Variants in CANT1 observed in about 807,000 individuals in gnomAD.
CANT1 encodes calcium activated nucleotidase 1, also known as soluble calcium-activated nucleotidase 1.
A neutral mutation model predicts 30.0 loss-of-function variants in CANT1; 26 were observed. The ratio of observed to expected loss-of-function variants is 0.87; its 90% confidence interval spans 0.64 to 1.20. The LOEUF (loss-of-function observed/expected upper bound fraction) is 1.20. Among genes scored for constraint, CANT1 ranks in the 50% most tolerant of loss-of-function variants. The pLI is 0.00. For missense variants in CANT1, 518 were observed against 563.0 expected, an observed-to-expected ratio of 0.92 and a Z score of 0.81; for synonymous variants, 246 against 251.8, an observed-to-expected ratio of 0.98 and a Z score of 0.22.
chr17:78,993,393 C>T lies in CANT1; in HGVS notation c.*157G>A, dbSNP rs117904862. The stretch of plus-strand genomic sequence containing the variant: ...GCGGCCTCCGTGGGGCCCGGGGGTC[C>T]AGTGCCCGCACCACTATGGGGCCCG... On this transcript the variant is annotated 3_prime_UTR_variant, in exon 5 of 5. Transcript: ENST00000392446. The surrounding 1 kb of genome is among the most constrained non-coding windows in gnomAD (Gnocchi z 4.5). 1,547 of 1,068,774 alleles carry T rather than the reference C, an allele frequency of 1.4e-3. 2 individuals carry two copies. Among genetic ancestry groups the T allele is most frequent in the Non-Finnish European group, 2.0e-3 (1,433 of 730,992 alleles). 66.2% of individuals were successfully genotyped at this position (1,068,774 alleles called of 1,614,324 possible).
Position 78,998,854 on chromosome 17 carries a change from G to A in CANT1, c.-146-891C>T, listed in dbSNP as rs2071136711. On this transcript the variant is annotated intron_variant, in intron 1 of 4. Transcript: ENST00000392446. This position sits in a 1 kb window ranked among gnomAD's most constrained non-coding sequence, Gnocchi z 4.5. ...CCGGCCTGAGAAGCTTCCCTGGCTGGGTCCTCCTTGAGAAAACAACAAAGC... is the reference window on the plus strand; with the variant it reads ...CCGGCCTGAGAAGCTTCCCTGGCTGAGTCCTCCTTGAGAAAACAACAAAGC... 6.6e-6 allele frequency among the ~76,000 whole-genome samples: 1 copy of A among 152,214 alleles called. No homozygotes were observed. Among genetic ancestry groups the A allele is most frequent in the Non-Finnish European group, 1.5e-5 (1 of 68,040 alleles).
intron 1 of CANT1, among the ~76,000 whole-genome samples, chr17:79,009,179 T>G: frequency 7.3e-6 from 1 of 137,602 alleles, no homozygotes; most frequent in Non-Finnish European, 1.5e-5. Flanking sequence ...AGGGGGGTGG[T>G]CCCCACACTA....
At position 78,995,369 on chromosome 17, in the gene CANT1, C is replaced by CT. The variant is rs2071001914; in HGVS notation, c.632-149dup. 1.2e-6 allele frequency: 1 copy of CT among 853,964 alleles called. No homozygotes were observed. Among genetic ancestry groups the CT allele is most frequent in the Non-Finnish European group, 1.9e-6 (1 of 537,920 alleles). The allele number at this position is 853,964 out of a possible 1,614,324, so 52.9% of individuals were successfully genotyped here. On this transcript the variant is annotated intron_variant, in intron 3 of 4. Transcript: ENST00000392446. The surrounding 1 kb of genome is among the most constrained non-coding windows in gnomAD (Gnocchi z 5.7). ...TGCCTCCCCTCCGGCCCGCACCTGGCTCCCGCCCAGGGCCGGCCGGCTGCC... is the reference window on the plus strand; with the variant it reads ...TGCCTCCCCTCCGGCCCGCACCTGGCTTCCCGCCCAGGGCCGGCCGGCTGCC...
At position 78,998,665 on chromosome 17, in the gene CANT1, A is replaced by C. The variant is rs565080548; in HGVS notation, c.-146-702T>G. Among the ~76,000 whole-genome samples, 204 of 152,340 alleles carry C rather than the reference A, an allele frequency of 1.3e-3. 1 individual carries two copies. The highest frequency in any genetic ancestry group is 4.6e-3 in the African/African-American group (193 of 41,588). On this transcript the variant is annotated intron_variant, in intron 1 of 4. Coordinates refer to ENST00000392446, the MANE Select transcript of CANT1 (RefSeq NM_001159773.2). This position sits in a 1 kb window ranked among gnomAD's most constrained non-coding sequence, Gnocchi z 4.5. ...TGATGGCTCAGTGCAGCCATGGGGCACCAGGCCCACGTCTGCGCCGCCTTG... is the reference window on the plus strand; with the variant it reads ...TGATGGCTCAGTGCAGCCATGGGGCCCCAGGCCCACGTCTGCGCCGCCTTG...
rs1342877512 is a variant in CANT1 at position 78,997,219 on chromosome 17, G to A, written c.404C>T (p.Thr135Ile). 6.2e-7 allele frequency: 1 copy of A among 1,614,200 alleles called. No individual in the cohort carries two copies. ...WFSYLKKGYL[T>I]LSDSGDKVAV... Reference sequence around the variant, plus strand: ...CACCTTGTCCCCACTGTCTGACAGGGTCAGGTAGCCCTTTTTCAGGTAACT... The same window carrying A: ...CACCTTGTCCCCACTGTCTGACAGGATCAGGTAGCCCTTTTTCAGGTAACT... The change falls in exon 3 of 5, where the codon ACC (threonine) becomes ATC (isoleucine). Residue 135 changes from threonine (T) to isoleucine (I), a missense_variant. Around this residue, in one of 3 missense-constraint regions of CANT1, gnomAD observed 249 missense variants for 268.8 expected, o/e 0.93. Coordinates refer to ENST00000392446, the MANE Select transcript of CANT1 (RefSeq NM_001159773.2). The surrounding 1 kb of genome is among the most constrained non-coding windows in gnomAD (Gnocchi z 7.5).
Position 79,002,026 on chromosome 17 carries a change from C to T in CANT1, c.-146-4063G>A, listed in dbSNP as rs181645113. ...CTCGCTTCCCTTCTCCCCATCCACACAGCCTCGGCTCCAGTTCCATCTCAC... is the reference window on the plus strand; with the variant it reads ...CTCGCTTCCCTTCTCCCCATCCACATAGCCTCGGCTCCAGTTCCATCTCAC... On this transcript the variant is annotated intron_variant, in intron 1 of 4. Coordinates refer to ENST00000392446, the MANE Select transcript of CANT1 (RefSeq NM_001159773.2). This position sits in a 1 kb window ranked among gnomAD's most constrained non-coding sequence, Gnocchi z 4.0. Among the ~76,000 whole-genome samples the T allele has an allele frequency of 2.0e-5, 3 of 152,248 alleles. No homozygotes were observed. The East Asian group carries it at 5.8e-4, about 29-fold the overall frequency.
In CANT1 at chr17:78,996,306, A is replaced by C. The variant is rs1024763124; in HGVS notation, c.631+686T>G. ...AGGTGGGGATCCACCGCCAGCTCAG[A>C]CAAACGGAGCTCAGAGGAGCTGGCA... On this transcript the variant is annotated intron_variant, in intron 3 of 4. Coordinates refer to ENST00000392446, the MANE Select transcript of CANT1 (RefSeq NM_001159773.2). This position sits in a 1 kb window ranked among gnomAD's most constrained non-coding sequence, Gnocchi z 5.1. Among the ~76,000 whole-genome samples the C allele has an allele frequency of 4.6e-5, 7 of 152,116 alleles. No homozygotes were observed. Among genetic ancestry groups the C allele is most frequent in the African/African-American group, 1.7e-4 (7 of 41,426 alleles).
chr17:78,993,309 T>A lies in CANT1; in HGVS notation c.*241A>T. ...CCCAGCCAGTTAGGCAGGCCTTGAG[T>A]CAATGCCTGAAGTGACCGAAATCAC... On this transcript the variant is annotated 3_prime_UTR_variant, in exon 5 of 5. Transcript: ENST00000392446. The surrounding 1 kb of genome is among the most constrained non-coding windows in gnomAD (Gnocchi z 4.5). 1.8e-6 allele frequency: 1 copy of A among 562,050 alleles called. No homozygotes were observed. Among genetic ancestry groups the A allele is most frequent in the Non-Finnish European group, 3.2e-6 (1 of 315,126 alleles). The allele number at this position is 562,050 out of a possible 1,614,324, so 34.8% of individuals were successfully genotyped here. A position where few individuals can be genotyped will look rare whatever the true frequency, so the allele number is the denominator to read the frequency against.
Position 78,997,584 on chromosome 17 carries a change from C to A in CANT1, c.39G>T (p.Glu13Asp). Residue 13 changes from glutamate (E) to aspartate (D), a missense_variant, in exon 3 of 5, where the codon GAG becomes GAT. Glu to Asp is a conservative substitution (Grantham distance 45, BLOSUM62 2). Around this residue, in one of 3 missense-constraint regions of CANT1, gnomAD observed 249 missense variants for 268.8 expected, o/e 0.93. Transcript: ENST00000392446. This position sits in a 1 kb window ranked among gnomAD's most constrained non-coding sequence, Gnocchi z 7.5. ...VQLSEHPEWN[E>D]SMHSLRISVG... ...CACTGATCCGGAGGGAGTGCATAGA[C>A]TCATTCCATTCCGGGTGCTCAGACA... is the stretch of plus-strand genomic sequence containing the variant. 6.4e-7 allele frequency: 1 copy of A among 1,565,030 alleles called. No homozygotes were observed.
intron 4 of CANT1, 91 bp downstream of exon 4, chr17:78,994,927 A>C: frequency 7.3e-7 from 1 of 1,368,880 alleles, no homozygotes; most frequent in Non-Finnish European, 1.0e-6. Context: ...CTAAAATAAA[A>C]AACGGTTTTG....
At chr17:78,994,344 G>A (rs1280464494) in intron 4 of CANT1, among the ~76,000 whole-genome samples, 1 of 152,196 alleles carries the variant, frequency 6.6e-6, no homozygotes, top group African/African-American at 2.4e-5. Flanking sequence ...ACTTCCTCCT[G>A]AACCTCAGGC....
rs912905671 is a variant in CANT1 at position 78,997,709 on chromosome 17, G to A, written c.-22-65C>T. 1.5e-5 allele frequency: 21 copies of A among 1,395,120 alleles called. No individual in the cohort carries two copies. The highest frequency in any genetic ancestry group is 1.0e-4 in the African/African-American group (7 of 69,042). 86.4% of individuals were successfully genotyped at this position (1,395,120 alleles called of 1,614,324 possible). ...GCAAGCCCAGTCACATCTTAGTTCC[G>A]GAAGCTGCAGGCGCTGGAGGCTGAC... On this transcript the variant is annotated intron_variant, in intron 2 of 4. Transcript: ENST00000392446. The surrounding 1 kb of genome is among the most constrained non-coding windows in gnomAD (Gnocchi z 7.5).
rs1003876267 is a variant in CANT1, at chr17:78,996,599, C to G, written c.631+393G>C. On this transcript the variant is annotated intron_variant, in intron 3 of 4. Coordinates refer to ENST00000392446, the MANE Select transcript of CANT1 (RefSeq NM_001159773.2). This position sits in a 1 kb window ranked among gnomAD's most constrained non-coding sequence, Gnocchi z 5.1. ...AGTCTGGGTTTTGAGTGAGAACCAT[C>G]TGTCCCCATGGCTTTCAGGGCAAGG... Among the ~76,000 whole-genome samples, 63 of 152,304 alleles carry G rather than the reference C, an allele frequency of 4.1e-4. No homozygotes were observed. The highest frequency in any genetic ancestry group is 1.5e-3 in the African/African-American group (61 of 41,570).
At position 78,993,820 on chromosome 17, in the gene CANT1, G is replaced by C. The variant is rs372851650; in HGVS notation, c.936C>G (p.Asp312Glu). 1.2e-6 allele frequency: 2 copies of C among 1,606,522 alleles called. No individual in the cohort carries two copies. Among genetic ancestry groups the C allele is most frequent in the African/African-American group, 2.7e-5 (2 of 74,900 alleles). Reference protein sequence around the residue: ...ASQERYSEKDDERKGANLLLS... With the variant: ...ASQERYSEKDEERKGANLLLS... The stretch of plus-strand genomic sequence containing the variant: ...GCAGCAGGTTGGCGCCCTTGCGCTC[G>C]TCGTCCTTCTCGCTGTAGCGCTCCT... The change falls in exon 5 of 5, where the codon GAC (aspartate) becomes GAG (glutamate). Residue 312 changes from aspartate to glutamate, a missense_variant. By Grantham distance (45) the Asp-to-Glu change is conservative. Transcript: ENST00000392446. The surrounding 1 kb of genome is among the most constrained non-coding windows in gnomAD (Gnocchi z 4.5).
intron 1 of CANT1, among the ~76,000 whole-genome samples, chr17:79,003,222 T>C (rs914339342): frequency 1.3e-5 from 2 of 152,166 alleles, no homozygotes; most frequent in Non-Finnish European, 2.9e-5. Context: ...CTGTGTACCT[T>C]CCAGAAAATT....
At position 78,996,035 on chromosome 17, in the gene CANT1, C is replaced by T. The variant is rs1396128934; in HGVS notation, c.632-814G>A. ...CCTGTACCCCGCTTTCCTCCCTATC[C>T]AAGGGAAGGACAGAACTACACTAGG... On this transcript the variant is annotated intron_variant, in intron 3 of 4. Coordinates refer to ENST00000392446, the MANE Select transcript of CANT1 (RefSeq NM_001159773.2). The surrounding 1 kb of genome is among the most constrained non-coding windows in gnomAD (Gnocchi z 5.1). Among the ~76,000 whole-genome samples, 1 of 152,162 alleles carries T rather than the reference C, an allele frequency of 6.6e-6. No homozygotes were observed. Among genetic ancestry groups the T allele is most frequent in the African/African-American group, 2.4e-5 (1 of 41,448 alleles).
intron 1 of CANT1, chr17:79,005,323 T>A (rs973342758): frequency 6.6e-6 from 1 of 151,880 alleles, no homozygotes; most frequent in African/African-American, 2.4e-5. Context: ...CCAGGAGGCG[T>A]CTCCCTGCTG....
At chr17:79,005,186 AGGGAGTTAGGGAGAG>A (rs369032531) in intron 1 of CANT1, among the ~76,000 whole-genome samples, 35 of 32,428 alleles carry the variant, frequency 1.1e-3, no homozygotes, top group African/African-American at 4.2e-3. Flanking sequence ...GAGTTAGGGA[AGGGAGTTAGGGAGAG>A]GGGAGTTAGG....
At chr17:79,001,815 C>T (rs542295277) in intron 1 of CANT1, among the ~76,000 whole-genome samples, 1 of 152,108 alleles carries the variant, frequency 6.6e-6, no homozygotes, top group African/African-American at 2.4e-5. Flanking sequence ...AAGGTGAAGA[C>T]CCCCACGCCT....
Sources: allele counts gnomAD v4.1 joint callset (sites outside exome capture counted in the v4.1 genomes callset), GRCh38; gene constraint gnomAD v4.1.1; regional missense constraint gnomAD v4.1.1; non-coding constraint Gnocchi (gnomAD v3.1); transcripts MANE v1.5; gene names NCBI Gene and HGNC (gene_info 2026-07-23, HGNC 2026-07-21).